PHF21A: variants seen among roughly 807,000 people sequenced by gnomAD.
PHF21A encodes the protein PHD finger protein 21A.
Under a neutral mutation model 82.5 loss-of-function variants are expected in PHF21A, and 11 were observed. The ratio of observed to expected loss-of-function variants is 0.13; its 90% CI spans 0.08 to 0.22. The LOEUF (loss-of-function observed/expected upper bound fraction) is 0.22. Ranked by LOEUF, PHF21A falls within the 10% of genes least tolerant of loss-of-function variation. The pLI is 1.00. For synonymous variants in PHF21A, 297 were observed against 302.8 expected (o/e 0.98, Z 0.20); for missense variants, 579 against 837.8 (o/e 0.69, Z 3.81).
chr11:45,977,837 C>T (rs1219153468), intron 7 of PHF21A, among the ~76,000 whole-genome samples: 2 of 147,448 alleles, frequency 1.4e-5, no homozygotes, highest in Non-Finnish European at 1.5e-5. Flanking sequence ...TTTTTTTCTT[C>T]TTCTTCTTTT....
At chr11:45,980,104 A>G in intron 6 of PHF21A, 138 bp from the exon 7 acceptor site, 4 of 1,261,334 alleles carry the variant, frequency 3.2e-6, no homozygotes, top group African/African-American at 1.5e-5. Flanking sequence ...GGTTCTACAT[A>G]TGAAGAGCTT....
Position 45,935,227 on chromosome 11 carries a change from G to A in PHF21A, c.1788+409C>T, listed in dbSNP as rs769820274. On this transcript the variant is annotated intron_variant, in intron 18 of 18. Transcript: ENST00000676320. Reference sequence around the variant, plus strand: ...AAGAGCGAGGGAGGGCCGTACGGATGGGCCCACTCGCTCAGGTGACTAGGA... The same window carrying A: ...AAGAGCGAGGGAGGGCCGTACGGATAGGCCCACTCGCTCAGGTGACTAGGA... The A allele has an allele frequency of 9.1e-5, 118 of 1,294,912 alleles. No individual in the cohort carries two copies. The South Asian group carries it at 9.9e-4, about 11-fold the overall frequency. 80.2% of individuals were successfully genotyped at this position (1,294,912 alleles called of 1,614,324 possible). A position where few individuals can be genotyped will look rare whatever the true frequency, so the allele number is the denominator to read the frequency against.
intron 15 of PHF21A, among the ~76,000 whole-genome samples, chr11:45,943,016 C>T (rs1224831074): frequency 2.6e-5 from 4 of 152,118 alleles, no homozygotes; most frequent in African/African-American, 9.6e-5. Flanking sequence ...TTCTTTTTCT[C>T]ATAACCTATA....
intron 6 of PHF21A, among the ~76,000 whole-genome samples, chr11:46,030,832 T>TGTGTGTGC (rs1555117523): frequency 2.4e-4 from 14 of 58,516 alleles, no homozygotes; most frequent in African/African-American, 1.2e-3. Context: ...TGTGTGTGCG[T>TGTGTGTGC]GTGTGTGTGT....
chr11:46,099,560 A>ACACCCACC lies in PHF21A; in HGVS notation c.-236-7338_-236-7337insGGTGGGTG, dbSNP rs1555191391. On this transcript the variant is annotated intron_variant, in intron 1 of 18. Transcript: ENST00000676320. ...CACACACACACACACACACACACAC[A>ACACCCACC]CACCCTAAACACAAACACAAACACA... Among the ~76,000 whole-genome samples, 617 of 146,060 alleles carry ACACCCACC rather than the reference A, an allele frequency of 4.2e-3. 9 individuals are homozygous for ACACCCACC. The highest frequency in any genetic ancestry group is 0.014 in the African/African-American group (568 of 40,390).
intron 6 of PHF21A, among the ~76,000 whole-genome samples, chr11:46,017,561 TC>T (rs889855790): frequency 1.3e-5 from 2 of 151,414 alleles, no homozygotes; most frequent in Non-Finnish European, 2.9e-5. Context: ...AAGTTACAGT[TC>T]AGGATTTGCC....
rs1432772229 is a variant in PHF21A at position 46,069,822 on chromosome 11, AG to A, written c.153+6931del. Among the ~76,000 whole-genome samples the A allele has an allele frequency of 5.3e-5, 8 of 152,358 alleles. No homozygotes were observed. In the East Asian group the frequency reaches 5.8e-4, roughly 11 times the overall value. On this transcript the variant is annotated intron_variant, in intron 6 of 18. Coordinates refer to ENST00000676320, the MANE Select transcript of PHF21A (RefSeq NM_001352027.3). ...AAATGTTAAATGTTCTAAGCTTCTT[AG>A]AAAAGTAGTACTTTACACGTAAGAT...
intron 6 of PHF21A, among the ~76,000 whole-genome samples, chr11:45,987,353 T>C (rs903731499): frequency 2.6e-5 from 4 of 151,962 alleles, no homozygotes; most frequent in East Asian, 1.9e-4. Flanking sequence ...ACAATTTAGC[T>C]GTTTGTTACC....
At chr11:46,020,680 G>A (rs1231382276) in intron 6 of PHF21A, among the ~76,000 whole-genome samples, 1 of 151,898 alleles carries the variant, frequency 6.6e-6, no homozygotes, top group African/African-American at 2.4e-5. Context: ...TTATCTTTTG[G>A]GGCCTGCACC....
At chr11:45,941,611 T>C (rs571908682) in intron 15 of PHF21A, among the ~76,000 whole-genome samples, 15 of 152,316 alleles carry the variant, frequency 9.8e-5, no homozygotes. Flanking sequence ...GAAATGAATA[T>C]AAAATGCCAA....
At chr11:46,119,880 TCC>T (rs1163050807) in intron 1 of PHF21A, 3 of 144,730 alleles carry the variant, frequency 2.1e-5, no homozygotes, top group Non-Finnish European at 4.6e-5. Context: ...CGCGCGCCCC[TCC>T]CCCCGGCGGG....
chr11:46,058,001 A>G (rs1180887197), intron 6 of PHF21A, among the ~76,000 whole-genome samples: 1 of 152,204 alleles, frequency 6.6e-6, no homozygotes, highest in Admixed American at 6.5e-5. Flanking sequence ...CTACTTTGCA[A>G]ACGTTTTTCC....
chr11:46,019,366 A>C (rs2095584745), intron 6 of PHF21A, among the ~76,000 whole-genome samples: 1 of 152,200 alleles, frequency 6.6e-6, no homozygotes, highest in Non-Finnish European at 1.5e-5. Flanking sequence ...CTAATCCAGA[A>C]GCTAACTTTC....
chr11:46,083,697 A>G (rs1388778863), intron 4 of PHF21A: 3 of 152,332 alleles, frequency 2.0e-5, no homozygotes, highest in Non-Finnish European at 4.4e-5. Context: ...TGTAAAATAT[A>G]AGAATTGTGA....
chr11:46,074,892 C>T (rs1378837756), intron 6 of PHF21A, among the ~76,000 whole-genome samples: 1 of 152,186 alleles, frequency 6.6e-6, no homozygotes, highest in East Asian at 1.9e-4. Context: ...GCTGTGCTTC[C>T]TTCAAGTATT....
intron 6 of PHF21A, among the ~76,000 whole-genome samples, chr11:46,055,191 C>T (rs1392501779): frequency 6.6e-6 from 1 of 152,144 alleles, no homozygotes; most frequent in East Asian, 1.9e-4. Flanking sequence ...TAATTTATCC[C>T]ATTCTGTTAT....
intron 1 of PHF21A, among the ~76,000 whole-genome samples, chr11:46,108,636 G>A (rs964860838): frequency 4.0e-5 from 6 of 150,668 alleles, no homozygotes; most frequent in African/African-American, 1.2e-4. Context: ...GGATGAGAAC[G>A]GAATGACTAA....
At chr11:46,023,099 G>A (rs1306180957) in intron 6 of PHF21A, among the ~76,000 whole-genome samples, 6 of 152,198 alleles carry the variant, frequency 3.9e-5, no homozygotes, top group African/African-American at 9.7e-5. Context: ...CAGACCTTGA[G>A]TGATATGTGG....
chr11:46,076,888 T>A, intron 5 of PHF21A, 69 bp from the exon 6 acceptor site: 1 of 1,210,754 alleles, frequency 8.3e-7, no homozygotes. Flanking sequence ...GCAGGAAGAC[T>A]ATGCATACTG....
Sources: allele counts gnomAD v4.1 joint callset (sites outside exome capture counted in the v4.1 genomes callset), GRCh38; gene constraint gnomAD v4.1.1; transcripts MANE v1.5; gene names NCBI Gene and HGNC (gene_info 2026-07-23, HGNC 2026-07-21).